Variants in ZNF846 observed in about 807,000 individuals in gnomAD.
The protein encoded by ZNF846 is zinc finger protein 420 pseudogene.
ZNF846 carries 15 observed loss-of-function variants against 16.0 expected under a neutral mutation model. That is an observed-to-expected ratio of 0.94 (90% CI 0.63 to 1.45). The LOEUF is 1.45. ZNF846 is among the 40% of genes most tolerant of loss of function. The probability of loss-of-function intolerance (pLI) is 0.00; values close to 1 mark genes in which losing one functional copy is unlikely to be tolerated. For missense variants in ZNF846, 714 were observed against 622.3 expected (o/e 1.15, Z -1.57); for synonymous variants, 229 against 212.0 (o/e 1.08, Z -0.70).
chr19:9,780,326 C>T (rs2045490319), intron 1 of ZNF846, among the ~76,000 whole-genome samples: 2 of 152,146 alleles, frequency 1.3e-5, no homozygotes, highest in Admixed American at 1.3e-4. Context: ...GCCCCAGCCT[C>T]CCCAATAACT....
chr19:9,756,659 T>C (rs1467931107), downstream of ZNF846: 14 of 151,428 alleles, frequency 9.2e-5, no homozygotes, highest in Admixed American at 8.5e-4. Flanking sequence ...TCTTTGATGT[T>C]GAGTTATTAA....
chr19:9,772,347 C>T (rs2045396576), upstream of ZNF846, among the ~76,000 whole-genome samples: 1 of 151,992 alleles, frequency 6.6e-6, no homozygotes, highest in Non-Finnish European at 1.5e-5. Flanking sequence ...CACCTGTAAT[C>T]CCAGCACTTT....
At chr19:9,780,077 G>T (rs2045487797) in intron 1 of ZNF846, among the ~76,000 whole-genome samples, 1 of 135,130 alleles carries the variant, frequency 7.4e-6, no homozygotes, top group South Asian at 2.4e-4. Flanking sequence ...TTTTTGTAGA[G>T]ATGAGGTCTC....
Position 9,752,398 on chromosome 19 carries a change from A to G in ZNF846, c.*41T>C, listed in dbSNP as rs1023977979. ...CAAGGTGGGTGGATCACCTGAAGTC[A>G]GGAGTTTGACACCAGCCTGGACAAC... On this transcript the variant is annotated 3_prime_UTR_variant, in exon 6 of 6. Coordinates refer to the ZNF846 transcript ENST00000588267. 2.2e-5 allele frequency: 8 copies of G among 361,522 alleles called. No homozygotes were observed. In the Admixed American group the frequency reaches 2.4e-4, roughly 11 times the overall value. 22.4% of individuals were successfully genotyped at this position (361,522 alleles called of 1,614,324 possible). A position where few individuals can be genotyped will look rare whatever the true frequency, so the allele number is the denominator to read the frequency against.
In ZNF846 at chr19:9,759,865, G is replaced by A. The variant is rs1235983358; in HGVS notation, c.307C>T (p.Gln103Ter). 1.9e-6 allele frequency: 3 copies of A among 1,611,386 alleles called. No homozygotes were observed. In the East Asian group the frequency reaches 6.7e-5, roughly 36 times the overall value. The stretch of plus-strand genomic sequence containing the variant: ...TCATCCCTTGGAAATCTTACCAATT[G>A]TACTCCATTTGGTGATCTTTCTGCA... The change falls in exon 5 of 6, where the codon CAA becomes TAA. Residue 103 changes from glutamine to a stop codon, truncating the protein, a stop_gained. Coordinates refer to ENST00000397902, the Ensembl canonical transcript of ZNF846. LOFTEE classifies it low-confidence loss of function (END_TRUNC).
At chr19:9,769,334 G>A (rs574093841), upstream of ZNF846, among the ~76,000 whole-genome samples, 25 of 152,074 alleles carry the variant, frequency 1.6e-4, 1 homozygote, top group South Asian at 2.9e-3. Context: ...CTCCCCCCTC[G>A]GCCTCCCAAG....
chr19:9,755,725 G>A (rs1345841568), downstream of ZNF846: 7 of 130,852 alleles, frequency 5.3e-5, no homozygotes, highest in South Asian at 2.6e-4. Context: ...GCGTGAACCC[G>A]GGAGGCGGAG....
downstream of ZNF846, among the ~76,000 whole-genome samples, chr19:9,752,881 G>GT (rs1247048185): frequency 6.6e-6 from 1 of 152,022 alleles, no homozygotes; most frequent in Non-Finnish European, 1.5e-5. Context: ...TACTTTCACT[G>GT]TATCTGTCCA....
chr19:9,769,488 C>T (rs2045369931), upstream of ZNF846, among the ~76,000 whole-genome samples: 1 of 152,120 alleles, frequency 6.6e-6, no homozygotes, highest in Non-Finnish European at 1.5e-5. Context: ...ACCTTGGCCT[C>T]CCAAAGTGCT....
intron 1 of ZNF846, among the ~76,000 whole-genome samples, chr19:9,783,718 C>T (rs529220569): frequency 2.7e-5 from 4 of 150,222 alleles, no homozygotes; most frequent in Admixed American, 2.0e-4. Context: ...CAGACAGGGT[C>T]TTACTCTGTC....
intron 1 of ZNF846, among the ~76,000 whole-genome samples, chr19:9,778,054 T>C (rs1217905358): frequency 2.6e-5 from 4 of 152,084 alleles, no homozygotes; most frequent in Non-Finnish European, 5.9e-5. Context: ...CAGGAAAGTA[T>C]GGCCCATTCA....
chr19:9,782,607 G>T (rs1052706014), intron 1 of ZNF846, among the ~76,000 whole-genome samples: 1 of 152,078 alleles, frequency 6.6e-6, no homozygotes, highest in East Asian at 1.9e-4. Flanking sequence ...GATGTACATG[G>T]TGTCTCAACA....
At chr19:9,777,194 T>C (rs1372573623) in intron 1 of ZNF846, among the ~76,000 whole-genome samples, 2 of 149,618 alleles carry the variant, frequency 1.3e-5, no homozygotes, top group Non-Finnish European at 3.0e-5. Flanking sequence ...TGGCCAAGCA[T>C]GGTGGCTTGC....
At chr19:9,750,097 AC>A (rs1408574548), downstream of ZNF846, among the ~76,000 whole-genome samples, 4 of 152,136 alleles carry the variant, frequency 2.6e-5, no homozygotes, top group Non-Finnish European at 5.9e-5. Flanking sequence ...ACCAAGCCAC[AC>A]ACACTACCAA....
chr19:9,781,366 T>C (rs1017047329), intron 1 of ZNF846, among the ~76,000 whole-genome samples: 2 of 152,090 alleles, frequency 1.3e-5, no homozygotes, highest in Admixed American at 1.3e-4. Flanking sequence ...CCTCAAGTGA[T>C]CTGCCCACAT....
exon 6 of ZNF846, chr19:9,758,488 A>G (rs756533598): frequency 3.7e-5 from 59 of 1,613,434 alleles, no homozygotes; most frequent in East Asian, 1.3e-4. Flanking sequence ...CATTCACACA[A>G]TTTCTCTTGT....
chr19:9,753,389 C>T (rs2045104209), downstream of ZNF846, among the ~76,000 whole-genome samples: 3 of 150,438 alleles, frequency 2.0e-5, no homozygotes, highest in South Asian at 6.3e-4. Context: ...ATAACTGGGA[C>T]TACAGGCACC....
chr19:9,764,845 T>C (rs2045289081), intron 2 of ZNF846, 91 bp downstream of exon 2: 2 of 1,478,712 alleles, frequency 1.4e-6, no homozygotes, highest in Non-Finnish European at 1.9e-6. Flanking sequence ...CCATCATTTC[T>C]TTAAGATGCT....
rs368212682 is a variant in ZNF846, at chr19:9,777,108, A to T, written c.-86+8830T>A. On this transcript the variant is annotated intron_variant, in intron 1 of 4. Coordinates refer to the ZNF846 transcript ENST00000586814. The stretch of plus-strand genomic sequence containing the variant: ...TTAAAACAATTGATTCAGGATCATT[A>T]AAAAAAAGAAGAAGAAGAACGAAAG... 1.9e-4 allele frequency among the ~76,000 whole-genome samples: 28 copies of T among 150,790 alleles called. No homozygotes were observed. In the East Asian group the frequency reaches 3.5e-3, roughly 19 times the overall value.
Sources: allele counts gnomAD v4.1 joint callset (sites outside exome capture counted in the v4.1 genomes callset), GRCh38; gene constraint gnomAD v4.1.1; transcripts MANE v1.5; gene names NCBI Gene and HGNC (gene_info 2026-07-23, HGNC 2026-07-21).